UTS2: variants seen among roughly 807,000 people sequenced by gnomAD.
UTS2 encodes urotensin 2.
UTS2 carries 10 observed loss-of-function variants against 12.6 expected under a neutral mutation model. The observed-to-expected ratio is 0.80, with a 90% CI of 0.49 to 1.35. The LOEUF (loss-of-function observed/expected upper bound fraction) is 1.35, where lower values mean the gene tolerates loss of function less well. UTS2 is among the 40% of genes most tolerant of loss of function. The probability of loss-of-function intolerance (pLI) is 0.00; values close to 1 mark genes in which losing one functional copy is unlikely to be tolerated. For synonymous variants in UTS2, 52 were observed against 50.0 expected (o/e 1.04, Z -0.17); for missense variants, 142 against 143.2 (o/e 0.99, Z 0.04).
At chr1:7,868,210 C>T in the UTS2 span, among the ~76,000 whole-genome samples, 1 of 152,162 alleles carries the variant, frequency 6.6e-6, no homozygotes, top group African/African-American at 2.4e-5. Flanking sequence ...TAGCCTTCTC[C>T]TAATGCATGC....
the UTS2 span, among the ~76,000 whole-genome samples, chr1:7,883,859 A>C: frequency 6.8e-6 from 1 of 146,634 alleles, no homozygotes; most frequent in Non-Finnish European, 1.5e-5. Context: ...TTTTTTTTTG[A>C]GATGGAGTTT....
At chr1:7,864,433 C>T in the UTS2 span, among the ~76,000 whole-genome samples, 1 of 152,194 alleles carries the variant, frequency 6.6e-6, no homozygotes, top group African/African-American at 2.4e-5. Flanking sequence ...CTCTGAGGTT[C>T]CTTTGTCTGC....
intron 1 of UTS2, among the ~76,000 whole-genome samples, chr1:7,852,531 G>C (rs542698635): frequency 2.5e-4 from 38 of 152,026 alleles, no homozygotes; most frequent in Admixed American, 5.9e-4. Flanking sequence ...TCTATAATTA[G>C]AACAACCAGT....
the UTS2 span, among the ~76,000 whole-genome samples, chr1:7,883,121 T>C: frequency 1.3e-5 from 2 of 152,158 alleles, no homozygotes; most frequent in Non-Finnish European, 2.9e-5. Flanking sequence ...AACCAAAATA[T>C]AGAATCAACA....
chr1:7,854,102 T>C (rs113674674), upstream of UTS2, among the ~76,000 whole-genome samples: 1 of 151,920 alleles, frequency 6.6e-6, no homozygotes, highest in African/African-American at 2.4e-5. Context: ...TCCCAGCACT[T>C]TGGGAGGCTG....
chr1:7,877,608 C>T, the UTS2 span, among the ~76,000 whole-genome samples: 1 of 152,182 alleles, frequency 6.6e-6, no homozygotes, highest in East Asian at 1.9e-4. Flanking sequence ...GGCGCAGTGG[C>T]TCACGCCTGT....
At chr1:7,851,139 C>T (rs1305393460) in intron 1 of UTS2, among the ~76,000 whole-genome samples, 1 of 152,244 alleles carries the variant, frequency 6.6e-6, no homozygotes, top group Non-Finnish European at 1.5e-5. Flanking sequence ...AGACGTGGAT[C>T]TGACACCCGC....
At chr1:7,868,863 C>T in the UTS2 span, among the ~76,000 whole-genome samples, 1 of 152,056 alleles carries the variant, frequency 6.6e-6, no homozygotes, top group African/African-American at 2.4e-5. Flanking sequence ...GGTGAGACCC[C>T]CATGATGGGA....
the UTS2 span, among the ~76,000 whole-genome samples, chr1:7,904,819 G>A: frequency 0.011 from 1,590 of 143,802 alleles, 34 homozygotes; most frequent in African/African-American, 0.039. Context: ...CAGGAGAATC[G>A]CTTGAACCCG....
chr1:7,858,066 T>A (rs1638350738), upstream of UTS2, among the ~76,000 whole-genome samples: 1 of 152,138 alleles, frequency 6.6e-6, no homozygotes, highest in Non-Finnish European at 1.5e-5. Context: ...AGGAAGAGGC[T>A]GTTTGCCAAG....
the UTS2 span, among the ~76,000 whole-genome samples, chr1:7,904,923 A>G: frequency 1.3e-5 from 2 of 150,204 alleles, no homozygotes; most frequent in African/African-American, 2.5e-5. Context: ...AAAAAAAAAA[A>G]AAGCCCACAT....
the UTS2 span, among the ~76,000 whole-genome samples, chr1:7,875,166 C>T: frequency 4.6e-5 from 7 of 152,084 alleles, no homozygotes; most frequent in South Asian, 1.5e-3. Context: ...GCTCCGCCTC[C>T]CAGGTTCACG....
chr1:7,867,712 C>T, the UTS2 span, among the ~76,000 whole-genome samples: 1 of 151,970 alleles, frequency 6.6e-6, no homozygotes, highest in Admixed American at 6.6e-5. Flanking sequence ...TCTGTCTCTA[C>T]TAAAAATAGA....
chr1:7,863,893 C>T, the UTS2 span, among the ~76,000 whole-genome samples: 1 of 152,232 alleles, frequency 6.6e-6, no homozygotes, highest in African/African-American at 2.4e-5. Context: ...TCTAAGATGA[C>T]CTGGCCCGGC....
At chr1:7,905,406 A>C in the UTS2 span, among the ~76,000 whole-genome samples, 2 of 80,148 alleles carry the variant, frequency 2.5e-5, no homozygotes, top group African/African-American at 1.0e-4. Context: ...CGGCCTCCCA[A>C]AGTGCTGGGA....
chr1:7,889,463 A>G, the UTS2 span, among the ~76,000 whole-genome samples: 8 of 141,006 alleles, frequency 5.7e-5, no homozygotes, highest in Non-Finnish European at 7.7e-5. Flanking sequence ...AAAAAAAAAA[A>G]GAAAAGAAAA....
chr1:7,884,696 T>C, the UTS2 span, among the ~76,000 whole-genome samples: 1 of 152,146 alleles, frequency 6.6e-6, no homozygotes, highest in African/African-American at 2.4e-5. Context: ...GCTTCATCCA[T>C]CCAACCACAC....
chr1:7,879,534 A>G, the UTS2 span, among the ~76,000 whole-genome samples: 1 of 152,192 alleles, frequency 6.6e-6, no homozygotes, highest in Non-Finnish European at 1.5e-5. Context: ...TGAGGCCAGG[A>G]GTTTAAGACC....
At chr1:7,892,267 G>C in the UTS2 span, among the ~76,000 whole-genome samples, 5 of 152,180 alleles carry the variant, frequency 3.3e-5, no homozygotes, top group East Asian at 9.7e-4. Context: ...GTCTGAAATG[G>C]GCCTCACTGA....
Sources: gnomAD v4.1 joint callset for allele counts (sites outside exome capture counted in the v4.1 genomes callset) on GRCh38, gnomAD v4.1.1 for gene constraint, MANE v1.5 for transcripts, NCBI Gene and HGNC (gene_info 2026-07-23, HGNC 2026-07-21) for gene names.